The following CCDC102B variants were observed in gnomAD, a reference collection of about 807,000 sequenced individuals.
The protein encoded by CCDC102B is coiled-coil domain containing 102B.
Under a neutral mutation model 57.4 loss-of-function variants are expected in CCDC102B, and 75 were observed. The observed-to-expected ratio is 1.31, with a 90% CI of 1.08 to 1.58. The LOEUF is 1.58. Among genes scored for constraint, CCDC102B ranks in the 40% most tolerant of loss-of-function variants. The probability of loss-of-function intolerance (pLI) is 0.00; values close to 1 mark genes in which losing one functional copy is unlikely to be tolerated. For synonymous variants in CCDC102B, 206 were observed against 201.9 expected, an observed-to-expected ratio of 1.02 and a Z score of -0.17; for missense variants, 636 against 582.6, an observed-to-expected ratio of 1.09 and a Z score of -0.94.
chr18:68,926,473 A>T (rs535833533), intron 6 of CCDC102B, among the ~76,000 whole-genome samples: 1 of 151,950 alleles, frequency 6.6e-6, no homozygotes, highest in South Asian at 2.1e-4. Flanking sequence ...ATGTACTCTT[A>T]TAATTTTATA....
At chr18:69,037,026 TATAC>T (rs1273659952) in intron 7 of CCDC102B, among the ~76,000 whole-genome samples, 9 of 56,204 alleles carry the variant, frequency 1.6e-4, no homozygotes, top group African/African-American at 4.1e-4. Context: ...GGGGTGTATA[TATAC>T]ACACACACAC....
intron 4 of CCDC102B, among the ~76,000 whole-genome samples, chr18:68,868,247 T>A (rs9952081): frequency 0.7 from 106,672 of 151,874 alleles, 37,857 homozygotes; most frequent in East Asian, 1. Flanking sequence ...AAATTAAAAA[T>A]ATACATCAGC....
intron 1 of CCDC102B, among the ~76,000 whole-genome samples, chr18:68,812,263 A>G (rs1434904443): frequency 6.6e-6 from 1 of 151,942 alleles, no homozygotes; most frequent in Admixed American, 6.6e-5. Context: ...AATTCACATT[A>G]TGTTAAAGTA....
At chr18:68,767,618 C>T (rs1007845695) in intron 2 of CCDC102B, among the ~76,000 whole-genome samples, 11 of 152,160 alleles carry the variant, frequency 7.2e-5, no homozygotes, top group Non-Finnish European at 1.3e-4. Context: ...CTCATGCAAA[C>T]GATCTTTACT....
At chr18:69,049,805 C>T (rs970187460) in intron 7 of CCDC102B, among the ~76,000 whole-genome samples, 2 of 151,474 alleles carry the variant, frequency 1.3e-5, no homozygotes, top group African/African-American at 2.4e-5. Context: ...CATTGCTTAA[C>T]TTTTCATTGC....
intron 5 of CCDC102B, among the ~76,000 whole-genome samples, chr18:68,881,647 G>A (rs1051394932): frequency 2.6e-5 from 4 of 152,108 alleles, no homozygotes; most frequent in African/African-American, 9.7e-5. Context: ...CTAACTGCTT[G>A]AGCTGGAACC....
At chr18:68,741,163 A>G (rs572990299) in intron 2 of CCDC102B, among the ~76,000 whole-genome samples, 1 of 152,310 alleles carries the variant, frequency 6.6e-6, no homozygotes, top group African/African-American at 2.4e-5. Flanking sequence ...AACTTTGGCC[A>G]GTGATTGGAG....
At chr18:68,847,491 T>G (rs1296721563) in intron 4 of CCDC102B, among the ~76,000 whole-genome samples, 2 of 151,944 alleles carry the variant, frequency 1.3e-5, no homozygotes, top group Non-Finnish European at 1.5e-5. Flanking sequence ...TTCCTCTTAG[T>G]TTCATAAACC....
intron 2 of CCDC102B, among the ~76,000 whole-genome samples, chr18:68,765,129 G>T (rs553686609): frequency 9.3e-5 from 14 of 150,304 alleles, no homozygotes; most frequent in African/African-American, 2.9e-4. Context: ...AGACTGAAGT[G>T]GGGGGGATTG....
rs1568131112 is a variant in CCDC102B, at chr18:69,022,215, AT to A, written c.1434+11112del. ...AGCCTATATATATATATATATATAT[AT>A]ATATATAACACACACACACGCGTGC... On this transcript the variant is annotated intron_variant, in intron 7 of 7. Coordinates refer to ENST00000360242, the MANE Select transcript of CCDC102B (RefSeq NM_024781.3). Among the ~76,000 whole-genome samples, 377 of 48,550 alleles carry A rather than the reference AT, an allele frequency of 7.8e-3. 6 individuals are homozygous for A. The highest frequency in any genetic ancestry group is 0.076 in the East Asian group (189 of 2,496). 31.9% of individuals were successfully genotyped at this position (48,550 alleles called of 152,430 possible). A position where few individuals can be genotyped will look rare whatever the true frequency, so the allele number is the denominator to read the frequency against.
At chr18:68,999,231 G>T (rs1304318551) in intron 6 of CCDC102B, among the ~76,000 whole-genome samples, 1 of 151,920 alleles carries the variant, frequency 6.6e-6, no homozygotes. Flanking sequence ...AGAAGGTTTT[G>T]CTTTGAGGGG....
chr18:68,863,700 T>A (rs1317481173), intron 4 of CCDC102B, among the ~76,000 whole-genome samples: 2 of 152,096 alleles, frequency 1.3e-5, no homozygotes, highest in East Asian at 3.9e-4. Flanking sequence ...CATTCTTCAA[T>A]GTTGATCAAA....
At chr18:68,746,640 G>A (rs996199697) in intron 2 of CCDC102B, among the ~76,000 whole-genome samples, 1 of 151,866 alleles carries the variant, frequency 6.6e-6, no homozygotes, top group Admixed American at 6.6e-5. Context: ...ATTCTTTTGA[G>A]TCTTATACCT....
At chr18:68,883,144 G>A (rs2039753068) in intron 5 of CCDC102B, among the ~76,000 whole-genome samples, 1 of 152,068 alleles carries the variant, frequency 6.6e-6, no homozygotes, top group Non-Finnish European at 1.5e-5. Flanking sequence ...TAAAAGGCTG[G>A]GCATGGTGGC....
intron 6 of CCDC102B, among the ~76,000 whole-genome samples, chr18:68,995,422 CG>C (rs1326497122): frequency 6.6e-6 from 1 of 152,102 alleles, no homozygotes; most frequent in African/African-American, 2.4e-5. Context: ...GAGGAAAAAA[CG>C]GTTTCCTGGG....
intron 6 of CCDC102B, among the ~76,000 whole-genome samples, chr18:68,999,026 A>AGAGG (rs1555669310): frequency 9.8e-5 from 14 of 143,364 alleles, no homozygotes; most frequent in African/African-American, 3.8e-4. Flanking sequence ...AGAGAGAGAG[A>AGAGG]GAGAGAGAGA....
chr18:68,857,302 T>A (rs1428326664), intron 4 of CCDC102B, among the ~76,000 whole-genome samples: 138 of 6,420 alleles, frequency 0.021, 22 homozygotes, highest in Non-Finnish European at 0.035. Flanking sequence ...ATTATATATA[T>A]AATATATATT....
chr18:68,812,428 G>T (rs973398782), intron 1 of CCDC102B, among the ~76,000 whole-genome samples: 1 of 152,056 alleles, frequency 6.6e-6, no homozygotes, highest in Non-Finnish European at 1.5e-5. Flanking sequence ...GGCTATATAT[G>T]ATTACTGGAT....
intron 7 of CCDC102B, among the ~76,000 whole-genome samples, chr18:69,044,026 G>A (rs1163728220): frequency 2.0e-5 from 3 of 152,054 alleles, no homozygotes; most frequent in Non-Finnish European, 4.4e-5. Flanking sequence ...ATTGCATTTA[G>A]TATGTGGCCA....
Sources: allele counts gnomAD v4.1 joint callset (sites outside exome capture counted in the v4.1 genomes callset), GRCh38; gene constraint gnomAD v4.1.1; transcripts MANE v1.5; gene names NCBI Gene and HGNC (gene_info 2026-07-23, HGNC 2026-07-21).